POLR3H: variants seen among roughly 807,000 people sequenced by gnomAD.
POLR3H encodes the protein RNA polymerase III subunit H.
A neutral mutation model predicts 25.5 loss-of-function variants in POLR3H; 17 were observed. The ratio of observed to expected loss-of-function variants is 0.67; its 90% CI spans 0.46 to 1.00. The LOEUF is 1.00. Ranked by LOEUF, POLR3H falls within the 50% of genes least tolerant of loss-of-function variation. POLR3H has a pLI of 0.00. For synonymous variants in POLR3H, 129 were observed against 103.0 expected, an observed-to-expected ratio of 1.25 and a Z score of -1.53; for missense variants, 274 against 265.0, an observed-to-expected ratio of 1.03 and a Z score of -0.24.
Position 41,528,565 on chromosome 22 carries a change from G to C in POLR3H, c.*718C>G. ...CCTTCAACGAGACGCAGATTGAGTG[G>C]TTCCGCGCTGGCAGTGCCCTCAACA... On this transcript the variant is annotated 3_prime_UTR_variant, in exon 6 of 6. Coordinates refer to ENST00000355209, the MANE Select transcript of POLR3H (RefSeq NM_001018050.4). The C allele has an allele frequency of 6.2e-7, 1 of 1,613,014 alleles. No individual in the cohort carries two copies. The highest frequency in any genetic ancestry group is 8.5e-7 in the Non-Finnish European group (1 of 1,180,026).
intron 1 of POLR3H, 51 bp downstream of exon 1, chr22:41,543,940 G>A (rs748909763): frequency 2.9e-6 from 4 of 1,377,410 alleles, no homozygotes; most frequent in Non-Finnish European, 4.1e-6. Flanking sequence ...GCCAGTGGGC[G>A]GCGCTCGCTC....
chr22:41,527,174 C>T lies in POLR3H; in HGVS notation c.*2109G>A. ...AGGAAGGGCCCCTCCAGCCCCTTTACCGGGAGCCTCAGGATGCCCAGGCGC... is the reference window on the plus strand; with the variant it reads ...AGGAAGGGCCCCTCCAGCCCCTTTATCGGGAGCCTCAGGATGCCCAGGCGC... On this transcript the variant is annotated 3_prime_UTR_variant, in exon 6 of 6. Coordinates refer to ENST00000355209, the MANE Select transcript of POLR3H (RefSeq NM_001018050.4). The T allele has an allele frequency of 6.6e-7, 1 of 1,520,362 alleles. No individual in the cohort carries two copies. Among genetic ancestry groups the T allele is most frequent in the Non-Finnish European group, 9.0e-7 (1 of 1,108,470 alleles). The allele number at this position is 1,520,362 out of a possible 1,614,324, so 94.2% of individuals were successfully genotyped here.
At chr22:41,535,597 C>G (rs1003839141) in intron 2 of POLR3H, among the ~76,000 whole-genome samples, 2 of 152,182 alleles carry the variant, frequency 1.3e-5, no homozygotes, top group African/African-American at 4.8e-5. Flanking sequence ...GAGGCCGAGG[C>G]GGGCGGATCA....
chr22:41,527,888 G>C lies in POLR3H; in HGVS notation c.*1395C>G. 1 of 1,614,052 alleles carries C rather than the reference G, an allele frequency of 6.2e-7. No homozygotes were observed. ...GTCAGGCCCCCGATGACCGAATGCC[G>C]CCTGCTTTCCAGAGACCAACCTGAA... On this transcript the variant is annotated 3_prime_UTR_variant, in exon 6 of 6. Transcript: ENST00000355209.
chr22:41,529,243 CT>C lies in POLR3H; in HGVS notation c.*39del. ...TTGTCTTCACAGCCGGCCATACCAC[CT>C]TCCCGCAGGCTGGTAGGGTCCACTG... On this transcript the variant is annotated 3_prime_UTR_variant, in exon 6 of 6. Coordinates refer to ENST00000355209, the MANE Select transcript of POLR3H (RefSeq NM_001018050.4). The C allele has an allele frequency of 6.3e-7, 1 of 1,583,782 alleles. No individual in the cohort carries two copies.
At chr22:41,538,988 G>A (rs192135337) in intron 2 of POLR3H, among the ~76,000 whole-genome samples, 2 of 152,130 alleles carry the variant, frequency 1.3e-5, no homozygotes, top group Non-Finnish European at 2.9e-5. Context: ...TGGGGCTGGG[G>A]GCAGTGGCTC....
Position 41,527,165 on chromosome 22 carries a change from G to A in POLR3H, c.*2118C>T. ...CAGCAGGCGAGGAAGGGCCCCTCCA[G>A]CCCCTTTACCGGGAGCCTCAGGATG... On this transcript the variant is annotated 3_prime_UTR_variant, in exon 6 of 6. Transcript: ENST00000355209. The A allele has an allele frequency of 1.4e-6, 2 of 1,465,256 alleles. No homozygotes were observed. The highest frequency in any genetic ancestry group is 9.4e-7 in the Non-Finnish European group (1 of 1,064,834). 90.8% of individuals were successfully genotyped at this position (1,465,256 alleles called of 1,614,324 possible). A position where few individuals can be genotyped will look rare whatever the true frequency, so the allele number is the denominator to read the frequency against.
chr22:41,530,799 A>G lies in POLR3H; in HGVS notation c.449T>C (p.Phe150Ser). The G allele has an allele frequency of 1.2e-6, 2 of 1,614,126 alleles. No homozygotes were observed. The highest frequency in any genetic ancestry group is 1.7e-6 in the Non-Finnish European group (2 of 1,180,046). ...LYMDTGEEIR[F>S]RVVDESFVDT... ...AACAAAGCTCTCGTCCACCACCCGGAAGCGGATCTCCTCGCCGGTGTCCAT... is the reference window on the plus strand; with the variant it reads ...AACAAAGCTCTCGTCCACCACCCGGGAGCGGATCTCCTCGCCGGTGTCCAT... Residue 150 changes from phenylalanine (F) to serine (S), a missense_variant, in exon 5 of 6, where the codon TTC becomes TCC. Physicochemically the swap from Phe to Ser is radical, Grantham distance 155 (BLOSUM62 -2). Coordinates refer to ENST00000355209, the MANE Select transcript of POLR3H (RefSeq NM_001018050.4).
intron 2 of POLR3H, chr22:41,533,394 G>T: frequency 1.5e-6 from 1 of 664,132 alleles, no homozygotes; most frequent in Non-Finnish European, 2.1e-6. Flanking sequence ...CTGAGAATCA[G>T]CACGCGGCTG....
chr22:41,543,859 G>C (rs2066972370), intron 1 of POLR3H, 132 bp downstream of exon 1: 1 of 726,342 alleles, frequency 1.4e-6, no homozygotes, highest in Non-Finnish European at 2.5e-6. Context: ...CTTTCACGGT[G>C]AAGAAAAGTT....
At chr22:41,540,452 G>C in intron 2 of POLR3H, 2 of 508,604 alleles carry the variant, frequency 3.9e-6, no homozygotes, top group East Asian at 3.9e-5. Flanking sequence ...CCAGCCTCCA[G>C]GACTCCCACC....
chr22:41,534,889 T>C (rs1458008645), intron 2 of POLR3H, among the ~76,000 whole-genome samples: 1 of 95,132 alleles, frequency 1.1e-5, no homozygotes, highest in African/African-American at 2.9e-5. Context: ...AGTGAAACTC[T>C]GTCAAAAAAA....
Position 41,529,249 on chromosome 22 carries a change from G to A in POLR3H, c.*34C>T, listed in dbSNP as rs775830838. ...TCACAGCCGGCCATACCACCTTCCC[G>A]CAGGCTGGTAGGGTCCACTGTCCAG... On this transcript the variant is annotated 3_prime_UTR_variant, in exon 6 of 6. Coordinates refer to ENST00000355209, the MANE Select transcript of POLR3H (RefSeq NM_001018050.4). 8.1e-5 allele frequency: 128 copies of A among 1,589,936 alleles called. No homozygotes were observed. The highest frequency in any genetic ancestry group is 1.0e-4 in the Non-Finnish European group (116 of 1,162,120).
rs1413610742 is a variant in POLR3H at position 41,544,188 on chromosome 22, C to T, written c.-87G>A. 2 of 795,732 alleles carry T rather than the reference C, an allele frequency of 2.5e-6. No individual in the cohort carries two copies. Among genetic ancestry groups the T allele is most frequent in the Non-Finnish European group, 4.1e-6 (2 of 493,532 alleles). 49.3% of individuals were successfully genotyped at this position (795,732 alleles called of 1,614,324 possible). On this transcript the variant is annotated 5_prime_UTR_variant, in exon 1 of 6. Transcript: ENST00000355209. ...GGGAGAATCCCCGAGCCCCTTGGTCCCGTCCCAGTCGCTGAGGCCCCCAGG... is the reference window on the plus strand; with the variant it reads ...GGGAGAATCCCCGAGCCCCTTGGTCTCGTCCCAGTCGCTGAGGCCCCCAGG...
At chr22:41,534,749 C>T (rs542509420) in intron 2 of POLR3H, among the ~76,000 whole-genome samples, 1 of 152,150 alleles carries the variant, frequency 6.6e-6, no homozygotes, top group East Asian at 1.9e-4. Context: ...CAAAAATTAG[C>T]CAGGCGTGGT....
intron 2 of POLR3H, chr22:41,533,633 CA>C: frequency 7.7e-7 from 1 of 1,303,788 alleles, no homozygotes; most frequent in Non-Finnish European, 1.0e-6. Context: ...CCCAGGACGG[CA>C]GGGACCCTGG....
In POLR3H at chr22:41,533,681, T is replaced by C. The variant is rs748252418; in HGVS notation, c.209-936A>G. On this transcript the variant is annotated intron_variant, in intron 2 of 5. Coordinates refer to ENST00000355209, the MANE Select transcript of POLR3H (RefSeq NM_001018050.4). ...CATGAGGAGAGGCAGCCGATGGACCTCTCACCCTGGGAAGACACAAACGTG... is the reference window on the plus strand; with the variant it reads ...CATGAGGAGAGGCAGCCGATGGACCCCTCACCCTGGGAAGACACAAACGTG... 13 of 1,304,060 alleles carry C rather than the reference T, an allele frequency of 1.0e-5. No homozygotes were observed. In the South Asian group the frequency reaches 1.5e-4, roughly 15 times the overall value. The allele number at this position is 1,304,060 out of a possible 1,614,324, so 80.8% of individuals were successfully genotyped here. A position where few individuals can be genotyped will look rare whatever the true frequency, so the allele number is the denominator to read the frequency against.
intron 5 of POLR3H, chr22:41,529,537 A>T (rs2066679710): frequency 3.0e-6 from 2 of 664,774 alleles, no homozygotes; most frequent in Non-Finnish European, 2.7e-6. Context: ...ACCCTTCTCC[A>T]GGGACTCCAG....
intron 2 of POLR3H, among the ~76,000 whole-genome samples, chr22:41,536,012 G>C (rs992899252): frequency 6.7e-6 from 1 of 150,174 alleles, no homozygotes; most frequent in Non-Finnish European, 1.5e-5. Flanking sequence ...GGCTGGTCTC[G>C]AACTCCTGAC....
Sources: gnomAD v4.1 joint callset for allele counts (sites outside exome capture counted in the v4.1 genomes callset) on GRCh38, gnomAD v4.1.1 for gene constraint, MANE v1.5 for transcripts, NCBI Gene and HGNC (gene_info 2026-07-23, HGNC 2026-07-21) for gene names.